The following ARHGEF7 variants were observed in gnomAD, a reference collection of about 807,000 sequenced individuals.
ARHGEF7 encodes Rho guanine nucleotide exchange factor 7.
ARHGEF7 carries 33 observed loss-of-function variants against 109.8 expected under a neutral mutation model. The observed-to-expected ratio is 0.30, with a 90% CI of 0.23 to 0.40. ARHGEF7 has a LOEUF of 0.40. Among genes scored for constraint, ARHGEF7 ranks in the 10% least tolerant of loss-of-function variants. The pLI, the probability that ARHGEF7 is intolerant of heterozygous loss-of-function variation, is 1.00. For missense variants in ARHGEF7, 938 were observed against 1,098.5 expected (o/e 0.85, Z 2.07); for synonymous variants, 458 against 424.6 (o/e 1.08, Z -0.97).
At position 111,303,085 on chromosome 13, in the gene ARHGEF7, A is replaced by G. The variant is rs746880742; in HGVS notation, c.2561A>G (p.Asp854Gly). The G allele has an allele frequency of 6.2e-7, 1 of 1,613,954 alleles. No homozygotes were observed. The highest frequency in any genetic ancestry group is 8.5e-7 in the Non-Finnish European group (1 of 1,179,914). The change falls in exon 22 of 22, where the codon GAT (aspartate) becomes GGT (glycine). Residue 854 changes from aspartate to glycine, a missense_variant. Physicochemically the swap from Asp to Gly is moderately conservative, Grantham distance 94 (BLOSUM62 -1). This residue lies in a region of ARHGEF7 where 166 missense variants were observed against 167.3 expected (regional missense o/e 0.99). Coordinates refer to ENST00000646102, the MANE Select transcript of ARHGEF7 (RefSeq NM_001354046.2). The part of the protein sequence containing the change: ...LVRKVLKNMN[D>G]PAWDETNL ...AGGAAAGTCCTGAAGAACATGAATG[A>G]TCCTGCCTGGGATGAGACCAATCTA...
chr13:111,243,063 T>G (rs1275599970), intron 6 of ARHGEF7, among the ~76,000 whole-genome samples: 3 of 152,230 alleles, frequency 2.0e-5, no homozygotes, highest in Non-Finnish European at 4.4e-5. Context: ...AATTTATAAT[T>G]ATTCTGCTAT....
intron 1 of ARHGEF7, among the ~76,000 whole-genome samples, chr13:111,123,660 CTTA>C (rs1230808565): frequency 6.6e-6 from 1 of 152,162 alleles, no homozygotes; most frequent in Non-Finnish European, 1.5e-5. Flanking sequence ...TTTTAGAAAT[CTTA>C]TTAAGACTAA....
At position 111,266,681 on chromosome 13, in the gene ARHGEF7, C is replaced by G; in HGVS notation, c.951-867C>G. On this transcript the variant is annotated intron_variant, in intron 8 of 21. Transcript: ENST00000646102. The surrounding 1 kb of genome is among the most constrained non-coding windows in gnomAD (Gnocchi z 4.8). ...GTTTTCTGTAGGAATCCCTGGTGTTCATGTTTTTGGTCACTTTTTCTCTGG... is the reference window on the plus strand; with the variant it reads ...GTTTTCTGTAGGAATCCCTGGTGTTGATGTTTTTGGTCACTTTTTCTCTGG... 2.5e-6 allele frequency: 1 copy of G among 394,136 alleles called. No homozygotes were observed. The highest frequency in any genetic ancestry group is 1.8e-5 in the South Asian group (1 of 54,526). 24.4% of individuals were successfully genotyped at this position (394,136 alleles called of 1,614,324 possible).
rs547207299 is a variant in ARHGEF7 at position 111,130,935 on chromosome 13, C to T, written c.165+15244C>T. On this transcript the variant is annotated intron_variant, in intron 1 of 21. Coordinates refer to ENST00000646102, the MANE Select transcript of ARHGEF7 (RefSeq NM_001354046.2). ...AGGAGGCCTGCTTTGCTGGGAGTGGCGAGGAAAGGCCTGGATGGGTAGTGC... is the reference window on the plus strand; with the variant it reads ...AGGAGGCCTGCTTTGCTGGGAGTGGTGAGGAAAGGCCTGGATGGGTAGTGC... Among the ~76,000 whole-genome samples the T allele has an allele frequency of 1.1e-4, 16 of 152,208 alleles. No homozygotes were observed. The East Asian group carries it at 1.5e-3, about 15-fold the overall frequency.
intron 1 of ARHGEF7, among the ~76,000 whole-genome samples, chr13:111,139,424 C>A (rs1490347994): frequency 1.3e-5 from 2 of 152,262 alleles, no homozygotes; most frequent in Non-Finnish European, 2.9e-5. Context: ...CTCTCTGTGT[C>A]TATGTCTCTG....
intron 2 of ARHGEF7, among the ~76,000 whole-genome samples, chr13:111,193,436 A>G (rs1458535834): frequency 6.6e-6 from 1 of 152,128 alleles, no homozygotes; most frequent in Non-Finnish European, 1.5e-5. Flanking sequence ...TGGCAGTGTA[A>G]GACTGCCACC....
chr13:111,256,110 G>A (rs909296793), intron 8 of ARHGEF7, among the ~76,000 whole-genome samples: 2 of 152,204 alleles, frequency 1.3e-5, no homozygotes, highest in Non-Finnish European at 2.9e-5. Flanking sequence ...AACCAAATGT[G>A]TCTTTAGTCT....
intron 2 of ARHGEF7, among the ~76,000 whole-genome samples, chr13:111,194,462 C>T (rs2080265660): frequency 6.6e-6 from 1 of 152,120 alleles, no homozygotes; most frequent in Non-Finnish European, 1.5e-5. Flanking sequence ...GTTTTAATGT[C>T]TTAGGGTGAG....
At chr13:111,210,878 T>C (rs1453964418) in intron 4 of ARHGEF7, among the ~76,000 whole-genome samples, 2 of 152,172 alleles carry the variant, frequency 1.3e-5, no homozygotes, top group Non-Finnish European at 2.9e-5. Flanking sequence ...TGCCTTAACA[T>C]GGGGGAGTAT....
intron 2 of ARHGEF7, among the ~76,000 whole-genome samples, chr13:111,190,459 G>A (rs1365345561): frequency 2.0e-5 from 3 of 152,280 alleles, no homozygotes; most frequent in African/African-American, 4.8e-5. Flanking sequence ...TCTAGGCCTC[G>A]GTGGTTTTGG....
chr13:111,180,092 C>G (rs1259668899), intron 2 of ARHGEF7, among the ~76,000 whole-genome samples: 37 of 152,202 alleles, frequency 2.4e-4, no homozygotes, highest in Non-Finnish European at 2.9e-5. Flanking sequence ...AGGTGGTTCT[C>G]AGGCCCTTTG....
chr13:111,219,757 C>T lies in ARHGEF7; in HGVS notation c.670+1877C>T, dbSNP rs563686281. Among the ~76,000 whole-genome samples the T allele has an allele frequency of 4.5e-4, 69 of 151,966 alleles. 2 individuals carry two copies. The South Asian group carries it at 0.014, about 30-fold the overall frequency. On this transcript the variant is annotated intron_variant, in intron 5 of 21. Transcript: ENST00000646102. ...GGCAGTATTTTTTATTATAATAAAT[C>T]GACTTGGGCAGAATTTTTTTCCGGC... is the stretch of plus-strand genomic sequence containing the variant.
chr13:111,243,284 A>G (rs1383274116), intron 6 of ARHGEF7, among the ~76,000 whole-genome samples: 10 of 152,214 alleles, frequency 6.6e-5, no homozygotes. Flanking sequence ...TTTCAAAGGC[A>G]CAGTCCAGTG....
chr13:111,247,703 C>T (rs1321297062), intron 8 of ARHGEF7, among the ~76,000 whole-genome samples: 7 of 152,126 alleles, frequency 4.6e-5, no homozygotes, highest in Non-Finnish European at 8.8e-5. Context: ...GGTCAGATTC[C>T]GCCTACCACC....
At chr13:111,130,137 A>G (rs2074663221) in intron 1 of ARHGEF7, among the ~76,000 whole-genome samples, 1 of 152,232 alleles carries the variant, frequency 6.6e-6, no homozygotes, top group South Asian at 2.1e-4. Flanking sequence ...GATTCCATTT[A>G]TAGAAGATTT....
At chr13:111,294,802 AAG>A in intron 19 of ARHGEF7, 1 of 985,860 alleles carries the variant, frequency 1.0e-6, no homozygotes, top group Non-Finnish European at 1.2e-6. Context: ...TGAAAGGATG[AAG>A]AGTCTGAACT....
At chr13:111,185,826 A>C (rs1421204477) in intron 2 of ARHGEF7, among the ~76,000 whole-genome samples, 1 of 152,176 alleles carries the variant, frequency 6.6e-6, no homozygotes, top group East Asian at 1.9e-4. Flanking sequence ...ATCTGCCTGC[A>C]TGACCGCTGT....
In ARHGEF7 at chr13:111,258,877, G is replaced by A. The variant is rs1439265532; in HGVS notation, c.951-8671G>A. On this transcript the variant is annotated intron_variant, in intron 8 of 21. Transcript: ENST00000646102. This position sits in a 1 kb window ranked among gnomAD's most constrained non-coding sequence, Gnocchi z 4.4. ...CTGAAAGGAGAGTCTCAGGCCTGGT[G>A]GCATTCACCACAAACTGACTGAAGA... Among the ~76,000 whole-genome samples the A allele has an allele frequency of 6.6e-6, 1 of 151,520 alleles. No homozygotes were observed. Among genetic ancestry groups the A allele is most frequent in the East Asian group, 2.0e-4 (1 of 5,124 alleles).
Position 111,115,666 on chromosome 13 carries a change from G to A in ARHGEF7, c.140G>A (p.Arg47His). 2 of 1,318,852 alleles carry A rather than the reference G, an allele frequency of 1.5e-6. No individual in the cohort carries two copies. The highest frequency in any genetic ancestry group is 1.9e-5 in the South Asian group (1 of 53,546). The allele number at this position is 1,318,852 out of a possible 1,614,324, so 81.7% of individuals were successfully genotyped here. The change falls in exon 1 of 22, where the codon CGC (arginine) becomes CAC (histidine). Residue 47 changes from arginine to histidine, a missense_variant. Coordinates refer to ENST00000646102, the MANE Select transcript of ARHGEF7 (RefSeq NM_001354046.2). ...DGVVLCRLLE[R>H]LLPGTIEKVY... Reference sequence around the variant, plus strand: ...GTGGTCCTCTGCAGGCTGCTGGAGCGCCTGCTCCCCGGGACCATCGAGAAA... The same window carrying A: ...GTGGTCCTCTGCAGGCTGCTGGAGCACCTGCTCCCCGGGACCATCGAGAAA...
Sources: gnomAD v4.1 joint callset for allele counts (sites outside exome capture counted in the v4.1 genomes callset) on GRCh38, gnomAD v4.1.1 for gene constraint, gnomAD v4.1.1 regional missense constraint, Gnocchi (gnomAD v3.1) non-coding constraint, MANE v1.5 for transcripts, NCBI Gene and HGNC (gene_info 2026-07-23, HGNC 2026-07-21) for gene names.